HDAC9: variants seen among roughly 807,000 people sequenced by gnomAD.
HDAC9 encodes the protein histone deacetylase 9, also known as MEF-2 interacting transcription repressor (MITR) protein.
Under a neutral mutation model 139.4 loss-of-function variants are expected in HDAC9, and 41 were observed. The ratio of observed to expected loss-of-function variants is 0.29; its 90% CI spans 0.23 to 0.38. The LOEUF (loss-of-function observed/expected upper bound fraction) is 0.38. HDAC9 is among the 10% of genes least tolerant of loss of function. The probability of loss-of-function intolerance (pLI) is 1.00; values close to 1 mark genes in which losing one functional copy is unlikely to be tolerated. For synonymous variants in HDAC9, 517 were observed against 476.2 expected, an observed-to-expected ratio of 1.09 and a Z score of -1.12; for missense variants, 1,147 against 1,297.0, an observed-to-expected ratio of 0.88 and a Z score of 1.78.
chr7:18,614,304 G>A (rs141603177), intron 6 of HDAC9, among the ~76,000 whole-genome samples: 12 of 152,110 alleles, frequency 7.9e-5, no homozygotes, highest in African/African-American at 2.7e-4. Context: ...CCGCCACACC[G>A]CAAGACTTCC....
At chr7:18,599,535 G>A (rs1833392530) in intron 6 of HDAC9, among the ~76,000 whole-genome samples, 1 of 152,276 alleles carries the variant, frequency 6.6e-6, no homozygotes, top group Non-Finnish European at 1.5e-5. Flanking sequence ...TCTGCAGAAT[G>A]TCATAGGGCT....
chr7:18,719,544 T>A (rs866150597), intron 12 of HDAC9, among the ~76,000 whole-genome samples: 3 of 152,124 alleles, frequency 2.0e-5, no homozygotes, highest in African/African-American at 7.2e-5. Context: ...TTCACCACGT[T>A]GGCCAGGCTT....
At chr7:18,796,392 G>A (rs1301561551) in intron 17 of HDAC9, among the ~76,000 whole-genome samples, 1 of 152,192 alleles carries the variant, frequency 6.6e-6, no homozygotes, top group Non-Finnish European at 1.5e-5. Context: ...TTGATGAGCT[G>A]AAGGAATTAG....
intron 1 of HDAC9, among the ~76,000 whole-genome samples, chr7:18,356,447 C>T (rs1340176658): frequency 1.5e-5 from 2 of 136,606 alleles, no homozygotes; most frequent in Admixed American, 1.6e-4. Flanking sequence ...GATGAACTCT[C>T]CAATTTTAGT....
intron 2 of HDAC9, among the ~76,000 whole-genome samples, chr7:18,252,949 C>CTCTA (rs1318395042): frequency 1.3e-5 from 2 of 152,134 alleles, no homozygotes; most frequent in African/African-American, 4.8e-5. Context: ...TGTTGTTCCC[C>CTCTA]TCTATCTGTC....
chr7:18,468,221 T>C lies in HDAC9; in HGVS notation c.-41-28041T>C, dbSNP rs528522733. Among the ~76,000 whole-genome samples, 24 of 152,240 alleles carry C rather than the reference T, an allele frequency of 1.6e-4. No homozygotes were observed. The South Asian group carries it at 4.8e-3, about 30-fold the overall frequency. ...TAAGCACAACTCATAAACAAGGGGGTGAAATTTAAACTCCTCCTTGAGAAG... is the reference window on the plus strand; with the variant it reads ...TAAGCACAACTCATAAACAAGGGGGCGAAATTTAAACTCCTCCTTGAGAAG... On this transcript the variant is annotated intron_variant, in intron 1 of 3. Coordinates refer to the HDAC9 transcript ENST00000413509.
At chr7:18,920,665 C>T (rs557148452) in intron 22 of HDAC9, among the ~76,000 whole-genome samples, 26 of 152,098 alleles carry the variant, frequency 1.7e-4, no homozygotes, top group South Asian at 4.2e-4. Flanking sequence ...TGAGATATGT[C>T]CCATCAATAC....
chr7:18,990,450 A>G lies in HDAC9; in HGVS notation c.3171-5573A>G, dbSNP rs188268576. On this transcript the variant is annotated intron_variant, in intron 25 of 25. Transcript: ENST00000686413. ...GCTGGGAGAGCCACTGCTCTCTTCA[A>G]TGCTGTCAGACAGGGACATTTAAGT... Among the ~76,000 whole-genome samples, 1,386 of 152,330 alleles carry G rather than the reference A, an allele frequency of 9.1e-3. 8 individuals are homozygous for G. Among genetic ancestry groups the G allele is most frequent in the Middle Eastern group, 0.034 (10 of 294 alleles).
At chr7:18,923,902 T>C (rs1367800685) in intron 22 of HDAC9, among the ~76,000 whole-genome samples, 3 of 152,128 alleles carry the variant, frequency 2.0e-5, no homozygotes, top group African/African-American at 7.2e-5. Flanking sequence ...AAATCTTTCA[T>C]GGAAATTGGA....
intron 17 of HDAC9, among the ~76,000 whole-genome samples, chr7:18,822,141 C>T (rs1439011566): frequency 1.3e-5 from 2 of 152,154 alleles, no homozygotes; most frequent in African/African-American, 4.8e-5. Flanking sequence ...ATAATCAACT[C>T]TACCTCCAGC....
intron 21 of HDAC9, among the ~76,000 whole-genome samples, chr7:18,850,148 C>CAGA (rs1186161279): frequency 6.7e-6 from 1 of 149,806 alleles, no homozygotes; most frequent in Non-Finnish European, 1.5e-5. Flanking sequence ...TGGAAGCATT[C>CAGA]AGAAATCATG....
intron 2 of HDAC9, among the ~76,000 whole-genome samples, chr7:18,572,820 A>G (rs1393705630): frequency 2.6e-5 from 4 of 152,038 alleles, no homozygotes; most frequent in Non-Finnish European, 5.9e-5. Flanking sequence ...TAAAGCTTTT[A>G]CTCAGTTCTT....
At chr7:18,863,147 T>C (rs964758854) in intron 21 of HDAC9, among the ~76,000 whole-genome samples, 4 of 152,172 alleles carry the variant, frequency 2.6e-5, no homozygotes, top group African/African-American at 9.7e-5. Flanking sequence ...GAAATGGGAA[T>C]GGCCTTTCAC....
At chr7:18,759,993 A>T (rs1789239705) in intron 14 of HDAC9, among the ~76,000 whole-genome samples, 3 of 152,208 alleles carry the variant, frequency 2.0e-5, no homozygotes, top group Non-Finnish European at 4.4e-5. Context: ...AGGAGGAAAA[A>T]ATCAATGAAA....
intron 12 of HDAC9, among the ~76,000 whole-genome samples, chr7:18,724,193 T>A (rs1372126804): frequency 6.6e-6 from 1 of 152,174 alleles, no homozygotes. Flanking sequence ...AAGTTTTTCA[T>A]ATCATCCCGA....
At chr7:18,888,165 T>C (rs907075079) in intron 22 of HDAC9, among the ~76,000 whole-genome samples, 11 of 152,126 alleles carry the variant, frequency 7.2e-5, no homozygotes, top group African/African-American at 2.7e-4. Flanking sequence ...CTCCCGCCTG[T>C]AATCCCAGCA....
At chr7:18,316,166 G>A (rs143523417) in intron 1 of HDAC9, among the ~76,000 whole-genome samples, 20 of 152,160 alleles carry the variant, frequency 1.3e-4, no homozygotes, top group African/African-American at 4.8e-4. Context: ...TTGATCTAGG[G>A]TGAGGCCTGA....
Position 18,849,349 on chromosome 7 carries a change from G to C in HDAC9, c.2684+13352G>C, listed in dbSNP as rs1234294312. 2.6e-5 allele frequency among the ~76,000 whole-genome samples: 4 copies of C among 152,162 alleles called. 1 individual carries two copies. Among genetic ancestry groups the C allele is most frequent in the African/African-American group, 7.2e-5 (3 of 41,452 alleles). Reference sequence around the variant, plus strand: ...AAAGGAAGAGAAACAGAATTAACAAGAGAGGGAAAAGAGTGTCAGTTTCCT... The same window carrying C: ...AAAGGAAGAGAAACAGAATTAACAACAGAGGGAAAAGAGTGTCAGTTTCCT... On this transcript the variant is annotated intron_variant, in intron 21 of 25. Coordinates refer to ENST00000686413, the MANE Select transcript of HDAC9 (RefSeq NM_178425.4).
chr7:18,987,027 A>G (rs1051650162), intron 25 of HDAC9, among the ~76,000 whole-genome samples: 8 of 152,174 alleles, frequency 5.3e-5, no homozygotes, highest in African/African-American at 1.2e-4. Context: ...GGACAATTTG[A>G]CTTCCTCTTT....
Sources: gnomAD v4.1 joint callset for allele counts (sites outside exome capture counted in the v4.1 genomes callset) on GRCh38, gnomAD v4.1.1 for gene constraint, MANE v1.5 for transcripts, NCBI Gene and HGNC (gene_info 2026-07-23, HGNC 2026-07-21) for gene names.